FRMPD4: variants seen among roughly 807,000 people sequenced by gnomAD.
The protein encoded by FRMPD4 is FERM and PDZ domain-containing protein 4.
FRMPD4 carries 22 observed loss-of-function variants against 94.1 expected under a neutral mutation model. The ratio of observed to expected loss-of-function variants is 0.23; its 90% CI spans 0.17 to 0.33. The LOEUF is 0.33. Among genes scored for constraint, FRMPD4 ranks in the 10% least tolerant of loss-of-function variants. The pLI is 1.00. For missense variants in FRMPD4, 1,111 were observed against 1,339.9 expected, an observed-to-expected ratio of 0.83 and a Z score of 2.67; for synonymous variants, 631 against 548.6, an observed-to-expected ratio of 1.15 and a Z score of -2.10.
At chrX:11,838,652 C>T (rs1038802614) in intron 1 of FRMPD4, among the ~76,000 whole-genome samples, 2 of 111,384 alleles carry the variant, frequency 1.8e-5, no homozygotes, top group South Asian at 7.5e-4. Flanking sequence ...CCCACTTCTG[C>T]TGCCACGAGG....
rs190056093 is a variant in FRMPD4 at position 12,334,340 on chromosome X, G to A, written c.42-164340G>A. Among the ~76,000 whole-genome samples, 4 of 111,244 alleles carry A rather than the reference G, an allele frequency of 3.6e-5. No individual in the cohort carries two copies. In the Admixed American group the frequency reaches 3.8e-4, roughly 11 times the overall value. The stretch of plus-strand genomic sequence containing the variant: ...CCTTTTCTTTCTTTCTCGGATTCGT[G>A]TCAGGGCCAGGCCATCTATCTGGTG... On this transcript the variant is annotated intron_variant, in intron 1 of 16. Transcript: ENST00000675598.
intron 1 of FRMPD4, among the ~76,000 whole-genome samples, chrX:12,197,260 C>T (rs1449005039): frequency 9.0e-6 from 1 of 111,021 alleles, no homozygotes; most frequent in African/African-American, 3.3e-5. Context: ...AGCCATGACA[C>T]ACTTTAAATC....
intron 3 of FRMPD4, among the ~76,000 whole-genome samples, chrX:11,933,702 A>G (rs1200513367): frequency 8.9e-6 from 1 of 112,227 alleles, no homozygotes; most frequent in Non-Finnish European, 1.9e-5. Flanking sequence ...GTAGGATTGA[A>G]ACCGAGTTTC....
At chrX:12,458,537 A>C (rs778921660) in intron 1 of FRMPD4, among the ~76,000 whole-genome samples, 1 of 112,061 alleles carries the variant, frequency 8.9e-6, no homozygotes, top group Non-Finnish European at 1.9e-5. Context: ...ATGTGACTAC[A>C]TGAGCTTGGC....
chrX:12,497,752 A>G (rs1171541438), intron 1 of FRMPD4, among the ~76,000 whole-genome samples: 1 of 111,598 alleles, frequency 9.0e-6, no homozygotes, highest in East Asian at 2.8e-4. Context: ...ATCTGCAGAA[A>G]ACATGCAGGA....
chrX:12,622,019 G>GAAAGAAAGA (rs1480326716), intron 4 of FRMPD4, among the ~76,000 whole-genome samples: 6 of 22,673 alleles, frequency 2.6e-4, no homozygotes, highest in East Asian at 8.8e-4. Context: ...AGAAAGAAAG[G>GAAAGAAAGA]AAGGAAGGAA....
chrX:12,153,919 A>G (rs2055897628), intron 1 of FRMPD4, among the ~76,000 whole-genome samples: 1 of 112,876 alleles, frequency 8.9e-6, no homozygotes. Context: ...GTCACTGTCC[A>G]GAAATAAAGT....
At chrX:12,325,084 A>G (rs970337005) in intron 1 of FRMPD4, among the ~76,000 whole-genome samples, 23 of 112,719 alleles carry the variant, frequency 2.0e-4, no homozygotes, top group Non-Finnish European at 7.5e-5. Flanking sequence ...AAATGAACCC[A>G]ACCTGTTTTC....
chrX:12,248,671 A>G (rs1260227596), intron 1 of FRMPD4, among the ~76,000 whole-genome samples: 1 of 112,675 alleles, frequency 8.9e-6, no homozygotes, highest in Non-Finnish European at 1.9e-5. Context: ...CCATAATTCT[A>G]ATGCTCGGTC....
At chrX:12,300,044 A>G (rs2054835811) in intron 1 of FRMPD4, among the ~76,000 whole-genome samples, 1 of 112,230 alleles carries the variant, frequency 8.9e-6, no homozygotes, top group African/African-American at 3.2e-5. Context: ...AGTGGGACAC[A>G]GTGATTCTGA....
chrX:12,522,738 G>A (rs1175727985), intron 2 of FRMPD4, among the ~76,000 whole-genome samples: 1 of 108,919 alleles, frequency 9.2e-6, no homozygotes, highest in Non-Finnish European at 1.9e-5. Context: ...AGGTAGCTGA[G>A]ACTACAGGCA....
intron 3 of FRMPD4, among the ~76,000 whole-genome samples, chrX:12,024,271 A>T (rs754176900): frequency 8.9e-6 from 1 of 112,126 alleles, no homozygotes; most frequent in African/African-American, 3.2e-5. Flanking sequence ...TGAATGTGTC[A>T]TGCATATATA....
At chrX:11,969,113 C>T (rs2054326867) in intron 3 of FRMPD4, among the ~76,000 whole-genome samples, 1 of 112,658 alleles carries the variant, frequency 8.9e-6, no homozygotes, top group African/African-American at 3.2e-5. Context: ...TTGGCTTCAA[C>T]ATTCTGGATA....
intron 1 of FRMPD4, among the ~76,000 whole-genome samples, chrX:12,480,306 G>A (rs2057664961): frequency 1.4e-5 from 1 of 72,952 alleles, no homozygotes; most frequent in African/African-American, 5.6e-5. Context: ...GAAGCTTCAG[G>A]CAGACACTAC....
intron 3 of FRMPD4, among the ~76,000 whole-genome samples, chrX:11,900,237 C>T (rs1258802204): frequency 1.8e-5 from 2 of 109,967 alleles, no homozygotes; most frequent in Non-Finnish European, 3.8e-5. Flanking sequence ...TTTATATCCT[C>T]ATAGTTGTCT....
intron 3 of FRMPD4, among the ~76,000 whole-genome samples, chrX:12,097,628 G>C (rs762572867): frequency 8.9e-6 from 1 of 111,960 alleles, no homozygotes; most frequent in Non-Finnish European, 1.9e-5. Flanking sequence ...ATAGATTTGC[G>C]ATTCTGAACA....
At chrX:12,246,569 G>A (rs1006085428) in intron 1 of FRMPD4, among the ~76,000 whole-genome samples, 2 of 111,508 alleles carry the variant, frequency 1.8e-5, no homozygotes, top group African/African-American at 6.5e-5. Context: ...TATTTTTAAG[G>A]ATATATTTTC....
At chrX:12,694,658 T>C (rs1164976721) in intron 9 of FRMPD4, among the ~76,000 whole-genome samples, 2 of 112,002 alleles carry the variant, frequency 1.8e-5, no homozygotes, top group African/African-American at 3.2e-5. Flanking sequence ...GTTGCAAGAG[T>C]AGTCATCTAT....
intron 1 of FRMPD4, among the ~76,000 whole-genome samples, chrX:12,373,866 A>C (rs747391285): frequency 1.8e-5 from 2 of 112,329 alleles, no homozygotes; most frequent in African/African-American, 3.2e-5. Context: ...CCAAAGGCGG[A>C]ACGGAGGGTT....
Sources: gnomAD v4.1 joint callset for allele counts (sites outside exome capture counted in the v4.1 genomes callset) on GRCh38, gnomAD v4.1.1 for gene constraint, MANE v1.5 for transcripts, NCBI Gene and HGNC (gene_info 2026-07-23, HGNC 2026-07-21) for gene names.